The following GLIPR1L1 variants were observed in gnomAD, a reference collection of about 807,000 sequenced individuals.
GLIPR1L1 encodes the protein GLIPR1 like 1.
A neutral mutation model predicts 29.9 loss-of-function variants in GLIPR1L1; 26 were observed. That is an observed-to-expected ratio of 0.87 (90% CI 0.64 to 1.21). GLIPR1L1 has a LOEUF of 1.21. Among genes scored for constraint, GLIPR1L1 ranks in the 50% most tolerant of loss-of-function variants. The probability of loss-of-function intolerance (pLI) is 0.00; values close to 1 mark genes in which losing one functional copy is unlikely to be tolerated. For missense variants in GLIPR1L1, 305 were observed against 290.3 expected (o/e 1.05, Z -0.37); for synonymous variants, 77 against 97.5 (o/e 0.79, Z 1.24).
At chr12:75,351,833 C>G (rs562463342) in intron 3 of GLIPR1L1, among the ~76,000 whole-genome samples, 357 of 152,236 alleles carry the variant, frequency 2.3e-3, no homozygotes, top group Non-Finnish European at 2.1e-3. Context: ...AGGCATGAGC[C>G]ATCGTGCTGG....
intron 4 of GLIPR1L1, chr12:75,366,757 T>C (rs529689246): frequency 6.3e-6 from 4 of 636,270 alleles, no homozygotes; most frequent in South Asian, 1.8e-5. Context: ...AATGAGTCAT[T>C]TCCACGCTCT....
chr12:75,343,771 A>G lies in GLIPR1L1; in HGVS notation c.253A>G (p.Lys85Glu). ...ATTTGAACATAATGACTGTTTGGAT[A>G]AATCATATAAATGCTATGCAGCTTT... Reference protein sequence around the residue: ...CKFEHNDCLDKSYKCYAAFEY... With the variant: ...CKFEHNDCLDESYKCYAAFEY... The change falls in exon 2 of 6, where the codon AAA (lysine) becomes GAA (glutamate). Residue 85 changes from lysine to glutamate, a missense_variant. By Grantham distance (56) the Lys-to-Glu change is moderately conservative. Coordinates refer to ENST00000378695, the MANE Select transcript of GLIPR1L1 (RefSeq NM_001304964.2). The G allele has an allele frequency of 6.2e-7, 1 of 1,613,110 alleles. No homozygotes were observed. Among genetic ancestry groups the G allele is most frequent in the Non-Finnish European group, 8.5e-7 (1 of 1,179,220 alleles).
intron 4 of GLIPR1L1, among the ~76,000 whole-genome samples, chr12:75,368,818 T>C (rs900088691): frequency 4.0e-5 from 6 of 151,870 alleles, no homozygotes; most frequent in Admixed American, 3.9e-4. Context: ...GCTATTTTGT[T>C]CTAGTGTGAG....
At chr12:75,369,285 C>T (rs1218477869) in intron 4 of GLIPR1L1, among the ~76,000 whole-genome samples, 1 of 151,764 alleles carries the variant, frequency 6.6e-6, no homozygotes, top group Non-Finnish European at 1.5e-5. Context: ...TAGCATTCAT[C>T]GCTGACATTA....
intron 2 of GLIPR1L1, 107 bp downstream of exon 2, chr12:75,344,045 C>T: frequency 1.1e-6 from 1 of 902,148 alleles, no homozygotes; most frequent in South Asian, 1.8e-5. Flanking sequence ...GCTGCCTTTA[C>T]ATTTTTTCCT....
chr12:75,352,361 T>C (rs1384837006), intron 3 of GLIPR1L1, among the ~76,000 whole-genome samples: 5 of 152,202 alleles, frequency 3.3e-5, no homozygotes, highest in Non-Finnish European at 5.9e-5. Context: ...TCCTAGTTTC[T>C]GATAAAACAA....
chr12:75,356,555 A>G (rs1283947929), intron 3 of GLIPR1L1, among the ~76,000 whole-genome samples: 1 of 152,218 alleles, frequency 6.6e-6, no homozygotes, highest in Non-Finnish European at 1.5e-5. Context: ...AGTAATCGCA[A>G]ATAAGCCAAC....
At chr12:75,340,248 G>C (rs971668904) in intron 1 of GLIPR1L1, among the ~76,000 whole-genome samples, 11 of 151,368 alleles carry the variant, frequency 7.3e-5, no homozygotes, top group African/African-American at 2.7e-4. Context: ...ACTGCAAATT[G>C]TGCTGCTATA....
intron 2 of GLIPR1L1, among the ~76,000 whole-genome samples, chr12:75,347,234 A>C (rs1257117675): frequency 6.6e-6 from 1 of 152,142 alleles, no homozygotes; most frequent in Non-Finnish European, 1.5e-5. Flanking sequence ...TGAGAAAAAC[A>C]AATAAATGTA....
At chr12:75,360,412 C>G (rs1370304048) in intron 3 of GLIPR1L1, 1 of 152,192 alleles carries the variant, frequency 6.6e-6, no homozygotes, top group African/African-American at 2.4e-5. Flanking sequence ...TTCCTAGATA[C>G]AATGGGGATA....
chr12:75,345,455 A>G (rs2042385920), intron 2 of GLIPR1L1, among the ~76,000 whole-genome samples: 1 of 152,172 alleles, frequency 6.6e-6, no homozygotes, highest in Admixed American at 6.5e-5. Context: ...CTGTTTAAGC[A>G]ATATAAAGAG....
At chr12:75,358,183 G>T (rs1322094800) in intron 3 of GLIPR1L1, among the ~76,000 whole-genome samples, 1 of 151,600 alleles carries the variant, frequency 6.6e-6, no homozygotes, top group East Asian at 1.9e-4. Flanking sequence ...AGTAAAATAA[G>T]AAAATAATAA....
rs570118676 is a variant in GLIPR1L1 at position 75,363,826 on chromosome 12, GT to G, written c.610+642del. Among the ~76,000 whole-genome samples, 210 of 152,156 alleles carry G rather than the reference GT, an allele frequency of 1.4e-3. 3 individuals are homozygous for G. The highest frequency in any genetic ancestry group is 5.9e-4 in the Non-Finnish European group (40 of 67,986). On this transcript the variant is annotated intron_variant, in intron 4 of 5. Transcript: ENST00000378695. Reference sequence around the variant, plus strand: ...GTCCAAGGTGGTCAGCCTACAACTTGTTTTTTACATTTTAAGGAGACTAAGA... The same window carrying G: ...GTCCAAGGTGGTCAGCCTACAACTTGTTTTTACATTTTAAGGAGACTAAGA...
At chr12:75,338,669 G>A (rs191764845) in intron 1 of GLIPR1L1, among the ~76,000 whole-genome samples, 1 of 152,128 alleles carries the variant, frequency 6.6e-6, no homozygotes, top group East Asian at 1.9e-4. Context: ...ATATGCCATG[G>A]TGGTTTGCTG....
intron 2 of GLIPR1L1, among the ~76,000 whole-genome samples, chr12:75,346,619 G>A (rs1009979355): frequency 2.6e-5 from 4 of 152,118 alleles, no homozygotes; most frequent in African/African-American, 7.2e-5. Context: ...TCGAACTCCT[G>A]ACCTCGCAAT....
intron 3 of GLIPR1L1, among the ~76,000 whole-genome samples, chr12:75,355,685 C>G (rs902787584): frequency 6.6e-6 from 1 of 152,092 alleles, no homozygotes; most frequent in African/African-American, 2.4e-5. Context: ...CAAGTAGGTT[C>G]AGCGCAGCAC....
chr12:75,344,236 A>C (rs990428967), intron 2 of GLIPR1L1, among the ~76,000 whole-genome samples: 3 of 152,068 alleles, frequency 2.0e-5, no homozygotes, highest in African/African-American at 7.2e-5. Flanking sequence ...CCTTCCCTGG[A>C]AGTGGGAAGT....
chr12:75,339,691 A>G (rs188761418), intron 1 of GLIPR1L1, among the ~76,000 whole-genome samples: 1 of 151,818 alleles, frequency 6.6e-6, no homozygotes, highest in African/African-American at 2.4e-5. Context: ...TATTGCCTAG[A>G]TTTTTCTTCT....
At chr12:75,347,438 T>C (rs1275001522) in intron 2 of GLIPR1L1, among the ~76,000 whole-genome samples, 184 bp from the exon 3 acceptor site, 1 of 152,066 alleles carries the variant, frequency 6.6e-6, no homozygotes, top group African/African-American at 2.4e-5. Context: ...GTAGCTCTCA[T>C]AAAATCAGCC....
Sources: gnomAD v4.1 joint callset for allele counts (sites outside exome capture counted in the v4.1 genomes callset) on GRCh38, gnomAD v4.1.1 for gene constraint, MANE v1.5 for transcripts, NCBI Gene and HGNC (gene_info 2026-07-23, HGNC 2026-07-21) for gene names.